Variants in POLQ observed in about 807,000 individuals in gnomAD.
POLQ encodes the protein DNA polymerase theta, also known as epididymis secretory sperm binding protein.
POLQ carries 233 observed loss-of-function variants against 259.2 expected under a neutral mutation model. That is an observed-to-expected ratio of 0.90 (90% CI 0.81 to 1.00). The LOEUF (loss-of-function observed/expected upper bound fraction) is 1.00. Ranked by LOEUF, POLQ falls within the 50% of genes least tolerant of loss-of-function variation. The probability of loss-of-function intolerance (pLI) is 0.00; values close to 1 mark genes in which losing one functional copy is unlikely to be tolerated. For missense variants in POLQ, 2,871 were observed against 3,051.6 expected (o/e 0.94, Z 1.39); for synonymous variants, 1,025 against 1,048.8 (o/e 0.98, Z 0.44).
intron 7 of POLQ, among the ~76,000 whole-genome samples, chr3:121,523,454 G>A (rs76056260): frequency 9.2e-5 from 14 of 152,066 alleles, no homozygotes; most frequent in East Asian, 7.7e-4. Flanking sequence ...GCTGACACCC[G>A]TAATCCCAGA....
chr3:121,541,029 C>T (rs991952306), intron 3 of POLQ, among the ~76,000 whole-genome samples: 5 of 151,980 alleles, frequency 3.3e-5, no homozygotes, highest in Admixed American at 6.5e-5. Flanking sequence ...TACAGGTGTG[C>T]GCCACAACAC....
chr3:121,484,974 T>A, intron 17 of POLQ, 67 bp downstream of exon 17: 1 of 1,160,814 alleles, frequency 8.6e-7, no homozygotes. Flanking sequence ...TCTCAAAATA[T>A]AAGATCACTA....
chr3:121,542,584 T>C (rs1276431885), intron 2 of POLQ, among the ~76,000 whole-genome samples: 1 of 152,180 alleles, frequency 6.6e-6, no homozygotes, highest in Non-Finnish European at 1.5e-5. Context: ...AATCCCACCA[T>C]TTAAGGAGTT....
At chr3:121,449,709 T>C (rs916833502) in intron 25 of POLQ, among the ~76,000 whole-genome samples, 6 of 152,198 alleles carry the variant, frequency 3.9e-5, no homozygotes, top group Admixed American at 2.0e-4. Context: ...TTGTCCTTTA[T>C]CCAGCAGTCT....
intron 6 of POLQ, among the ~76,000 whole-genome samples, chr3:121,532,263 C>G (rs1019384859): frequency 4.1e-5 from 5 of 122,576 alleles, no homozygotes; most frequent in African/African-American, 1.5e-4. Flanking sequence ...AGAGGTAGAT[C>G]TATCAGACTA....
At chr3:121,521,812 C>T (rs2048338166) in intron 8 of POLQ, 191 bp downstream of exon 8, 2 of 340,368 alleles carry the variant, frequency 5.9e-6, no homozygotes, top group Non-Finnish European at 5.2e-6. Flanking sequence ...CTCAGGTGAT[C>T]CACTTGCTTC....
At position 121,488,771 on chromosome 3, in the gene POLQ, A is replaced by G. The variant is rs767476151; in HGVS notation, c.4160T>C (p.Ile1387Thr). ...TACAGTCTTAAGGTCCAAATGATCT[A>G]TCTTAGTCGCTCCTAGAGGGTGCTG... ...AEQHPLGATKIDHLDLKTVGT... is the reference protein window; with the variant it reads ...AEQHPLGATKTDHLDLKTVGT... The change falls in exon 16 of 30, where the codon ATA becomes ACA. Residue 1387 changes from isoleucine to threonine, a missense_variant. Physicochemically the swap from Ile to Thr is moderately conservative, Grantham distance 89. Around this residue, in one of 3 missense-constraint regions of POLQ, gnomAD observed 2,080 missense variants for 2,126.0 expected, o/e 0.98. Coordinates refer to ENST00000264233, the MANE Select transcript of POLQ (RefSeq NM_199420.4). 14 of 1,613,932 alleles carry G rather than the reference A, an allele frequency of 8.7e-6. 1 individual carries two copies. In the South Asian group the frequency reaches 1.5e-4, roughly 18 times the overall value.
chr3:121,504,660 C>G (rs2048195584), intron 12 of POLQ, among the ~76,000 whole-genome samples: 1 of 152,062 alleles, frequency 6.6e-6, no homozygotes, highest in Non-Finnish European at 1.5e-5. Context: ...AATAAAATAC[C>G]AGCAAACCAA....
chr3:121,476,626 G>T lies in POLQ; in HGVS notation c.6319C>A (p.Gln2107Lys). Residue 2107 changes from glutamine to lysine, a missense_variant, in exon 20 of 30, where the codon CAA (glutamine) becomes AAA (lysine). Transcript: ENST00000264233. Reference protein sequence around the residue: ...AECESQKHIMQAKLDAIETQA... With the variant: ...AECESQKHIMKAKLDAIETQA... ...GTCTCAATTGCATCCAGCTTGGCTT[G>T]CATTATATGTTTCTGACTTTCACAT... is the stretch of plus-strand genomic sequence containing the variant. The T allele has an allele frequency of 6.2e-7, 1 of 1,613,852 alleles. No individual in the cohort carries two copies. The highest frequency in any genetic ancestry group is 1.1e-5 in the South Asian group (1 of 91,070).
chr3:121,444,442 G>A (rs934122385), intron 26 of POLQ, among the ~76,000 whole-genome samples: 1 of 152,044 alleles, frequency 6.6e-6, no homozygotes, highest in African/African-American at 2.4e-5. Context: ...TGTTGATCTT[G>A]TATCCTGCAA....
At chr3:121,500,568 T>C (rs562272352) in intron 12 of POLQ, among the ~76,000 whole-genome samples, 2 of 151,586 alleles carry the variant, frequency 1.3e-5, no homozygotes, top group Non-Finnish European at 2.9e-5. Flanking sequence ...ATGAACAGAG[T>C]CTTAAAGGAA....
chr3:121,510,842 T>G lies in POLQ; in HGVS notation c.1612-599A>C, dbSNP rs375052678. ...GGCTCACGCCTGTAATCCCAGCACT[T>G]TGGGATGCCAAGGCGGGCAGATCAC... On this transcript the variant is annotated intron_variant, in intron 10 of 29. Coordinates refer to ENST00000264233, the MANE Select transcript of POLQ (RefSeq NM_199420.4). Among the ~76,000 whole-genome samples, 9 of 151,216 alleles carry G rather than the reference T, an allele frequency of 6.0e-5. No individual in the cohort carries two copies. The South Asian group carries it at 1.7e-3, about 28-fold the overall frequency.
chr3:121,432,288 TTCA>T lies in POLQ; in HGVS notation c.*13_*15del. The stretch of plus-strand genomic sequence containing the variant: ...TCTGCACAGGCTTCCCTGGGAGGAC[TTCA>T]TCAACAGCACAGTTACACATCAAAG... On this transcript the variant is annotated 3_prime_UTR_variant, in exon 30 of 30. Coordinates refer to ENST00000264233, the MANE Select transcript of POLQ (RefSeq NM_199420.4). 3 of 1,582,640 alleles carry T rather than the reference TTCA, an allele frequency of 1.9e-6. No individual in the cohort carries two copies. Among genetic ancestry groups the T allele is most frequent in the Non-Finnish European group, 2.6e-6 (3 of 1,168,064 alleles).
intron 12 of POLQ, among the ~76,000 whole-genome samples, chr3:121,502,791 G>A (rs2108804598): frequency 6.6e-6 from 1 of 152,172 alleles, no homozygotes; most frequent in African/African-American, 2.4e-5. Context: ...GTACTGTTAG[G>A]TTTGCAACAC....
chr3:121,436,266 G>T lies in POLQ; in HGVS notation c.7399C>A (p.Gln2467Lys). Residue 2467 changes from glutamine (Q) to lysine (K), a missense_variant, in exon 28 of 30, where the codon CAA (glutamine) becomes AAA (lysine). Gln to Lys is a moderately conservative substitution (Grantham distance 53, BLOSUM62 1). This residue lies in a region of POLQ where 2,080 missense variants were observed against 2,126.0 expected (regional missense o/e 0.98). Transcript: ENST00000264233. ...CCTTGGACTATTGTGTTGATAGCTT[G>T]ACGCTCAGCCTAGAAAAAACAATCA... ...NPYRKAHAER[Q>K]AINTIVQGSA... 6.2e-7 allele frequency: 1 copy of T among 1,613,752 alleles called. No individual in the cohort carries two copies. The highest frequency in any genetic ancestry group is 2.2e-5 in the East Asian group (1 of 44,854).
At chr3:121,501,780 G>GT (rs2048172267) in intron 12 of POLQ, among the ~76,000 whole-genome samples, 1 of 151,128 alleles carries the variant, frequency 6.6e-6, no homozygotes, top group Non-Finnish European at 1.5e-5. Flanking sequence ...GAGGTCAGGA[G>GT]TTCAAGACTA....
intron 25 of POLQ, among the ~76,000 whole-genome samples, chr3:121,450,501 T>C (rs567081955): frequency 6.3e-4 from 95 of 151,286 alleles, no homozygotes; most frequent in Non-Finnish European, 9.4e-4. Context: ...GTGTATCTCC[T>C]AATGCTATCC....
rs754305359 is a variant in POLQ, at chr3:121,460,160, G to A, written c.7042C>T (p.Leu2348Phe). Residue 2348 changes from leucine (L) to phenylalanine (F), a missense_variant, in exon 25 of 30, where the codon CTC becomes TTC. Transcript: ENST00000264233. ...ILAHLSHDRRLIQVLNTGADV... is the reference protein window; with the variant it reads ...ILAHLSHDRRFIQVLNTGADV... ...GCTCCAGTGTTTAACACTTGAATGAGACGACGATCATGGGATAAATGAGCC... is the reference window on the plus strand; with the variant it reads ...GCTCCAGTGTTTAACACTTGAATGAAACGACGATCATGGGATAAATGAGCC... 3 of 1,613,274 alleles carry A rather than the reference G, an allele frequency of 1.9e-6. No individual in the cohort carries two copies. Among genetic ancestry groups the A allele is most frequent in the Non-Finnish European group, 1.7e-6 (2 of 1,179,246 alleles).
At position 121,499,411 on chromosome 3, in the gene POLQ, G is replaced by C. The variant is rs148240231; in HGVS notation, c.1960-741C>G. ...GGGGCTACAAGGTGAGTGCCACCAC[G>C]TCTGCCTAATTTTTAAATTTTTTTG... On this transcript the variant is annotated intron_variant, in intron 12 of 29. Coordinates refer to ENST00000264233, the MANE Select transcript of POLQ (RefSeq NM_199420.4). Among the ~76,000 whole-genome samples the C allele has an allele frequency of 9.0e-3, 1,367 of 152,012 alleles. 19 individuals are homozygous for C. The highest frequency in any genetic ancestry group is 0.031 in the African/African-American group (1,294 of 41,462).
Sources: gnomAD v4.1 joint callset for allele counts (sites outside exome capture counted in the v4.1 genomes callset) on GRCh38, gnomAD v4.1.1 for gene constraint, gnomAD v4.1.1 regional missense constraint, MANE v1.5 for transcripts, NCBI Gene and HGNC (gene_info 2026-07-23, HGNC 2026-07-21) for gene names.